NCAM1: variants seen among roughly 807,000 people sequenced by gnomAD.
The protein encoded by NCAM1 is antigen recognized by monoclonal antibody 5.1H11.
In NCAM1, 14 loss-of-function variants were observed where a neutral mutation model predicts 109.8. The ratio of observed to expected loss-of-function variants is 0.13; its 90% CI spans 0.08 to 0.20. The LOEUF (loss-of-function observed/expected upper bound fraction) is 0.20. NCAM1 is among the 10% of genes least tolerant of loss of function. The probability of loss-of-function intolerance (pLI) is 1.00; values close to 1 mark genes in which losing one functional copy is unlikely to be tolerated. For missense variants in NCAM1, 774 were observed against 1,109.9 expected (o/e 0.70, Z 4.30); for synonymous variants, 418 against 442.9 (o/e 0.94, Z 0.70).
chr11:113,240,850 T>C (rs782783398), intron 14 of NCAM1: 1 of 1,610,178 alleles, frequency 6.2e-7, no homozygotes, highest in Non-Finnish European at 8.5e-7. Context: ...ATCATTTTCT[T>C]CATCCATCTC....
chr11:113,120,938 A>G (rs1319565001), intron 1 of NCAM1, among the ~76,000 whole-genome samples: 1 of 152,142 alleles, frequency 6.6e-6, no homozygotes, highest in Non-Finnish European at 1.5e-5. Flanking sequence ...CTGAGAACAG[A>G]GGATGGTTTG....
chr11:113,198,943 T>G (rs2136838707), intron 1 of NCAM1, among the ~76,000 whole-genome samples: 1 of 152,256 alleles, frequency 6.6e-6, no homozygotes. Context: ...GATGAAATAA[T>G]GAAGTGTGTT....
chr11:113,181,024 C>A (rs1367558865), intron 1 of NCAM1, among the ~76,000 whole-genome samples: 1 of 152,208 alleles, frequency 6.6e-6, no homozygotes. Context: ...CAGTATCAAG[C>A]AAGAATAAAA....
intron 1 of NCAM1, among the ~76,000 whole-genome samples, chr11:113,016,912 C>A (rs1414165204): frequency 2.0e-5 from 3 of 152,180 alleles, no homozygotes; most frequent in Admixed American, 2.0e-4. Flanking sequence ...CCATAAAAGT[C>A]TCTGCTTTTT....
intron 1 of NCAM1, 41 bp downstream of exon 1, chr11:112,961,705 AT>A: frequency 7.9e-7 from 1 of 1,262,464 alleles, no homozygotes. Context: ...TGGTTTGCTA[AT>A]TACCCCTTCC....
chr11:112,967,904 C>T (rs1278035844), intron 1 of NCAM1, among the ~76,000 whole-genome samples: 3 of 152,122 alleles, frequency 2.0e-5, no homozygotes, highest in Non-Finnish European at 4.4e-5. Context: ...TTTTGAGGGC[C>T]TTCTTTAAGG....
At chr11:113,205,705 G>A in intron 4 of NCAM1, 39 bp downstream of exon 4, 1 of 1,598,570 alleles carries the variant, frequency 6.3e-7, no homozygotes, top group Admixed American at 1.7e-5. Context: ...TTTTCCCCAG[G>A]CCACCAAGTT....
At chr11:113,204,870 G>T (rs1302305005) in intron 3 of NCAM1, among the ~76,000 whole-genome samples, 1 of 152,130 alleles carries the variant, frequency 6.6e-6, no homozygotes, top group Non-Finnish European at 1.5e-5. Flanking sequence ...TGGGGTGGGG[G>T]ATCATTATCT....
At position 113,132,414 on chromosome 11, in the gene NCAM1, C is replaced by G. The variant is rs1941424338; in HGVS notation, c.53-69965C>G. ...TCAATTCACATCTGTTCAGTCCTGC[C>G]TCAGCTCTAGATAATGTGTGTTCCT... On this transcript the variant is annotated intron_variant, in intron 1 of 19. Transcript: ENST00000316851. Among the ~76,000 whole-genome samples, 6 of 152,258 alleles carry G rather than the reference C, an allele frequency of 3.9e-5. 1 individual carries two copies. In the South Asian group the frequency reaches 1.2e-3, roughly 32 times the overall value.
chr11:113,272,459 G>C (rs868946802), intron 19 of NCAM1, among the ~76,000 whole-genome samples: 1 of 152,120 alleles, frequency 6.6e-6, no homozygotes, highest in African/African-American at 2.4e-5. Flanking sequence ...CTGAGTACTC[G>C]TGATCTGCCT....
At chr11:113,150,707 C>T (rs1215620228) in intron 1 of NCAM1, among the ~76,000 whole-genome samples, 4 of 152,002 alleles carry the variant, frequency 2.6e-5, no homozygotes, top group African/African-American at 9.7e-5. Context: ...GTTTTTATTG[C>T]AGGGACATGG....
In NCAM1 at chr11:113,246,187, G is replaced by C. The variant is rs1006824518; in HGVS notation, c.1826-181G>C. ...TTAATTTGATTTCTCCTTTTATTTA[G>C]TCTGTGATTTTGTTGTTGATTTTTC... On this transcript the variant is annotated intron_variant, in intron 14 of 19. Coordinates refer to ENST00000316851, the MANE Select transcript of NCAM1 (RefSeq NM_181351.5). 6.5e-5 allele frequency: 36 copies of C among 552,362 alleles called. 1 individual carries two copies. In the South Asian group the frequency reaches 9.5e-4, roughly 15 times the overall value. 34.2% of individuals were successfully genotyped at this position (552,362 alleles called of 1,614,324 possible).
At chr11:113,109,044 A>G (rs111599244) in intron 1 of NCAM1, among the ~76,000 whole-genome samples, 10,596 of 148,642 alleles carry the variant, frequency 0.071, 722 homozygotes, top group Admixed American at 0.17. Context: ...GTATTTTAAC[A>G]AGGTTTTAAG....
At position 113,047,484 on chromosome 11, in the gene NCAM1, A is replaced by G. The variant is rs111934654; in HGVS notation, c.52+85820A>G. On this transcript the variant is annotated intron_variant, in intron 1 of 19. Transcript: ENST00000316851. ...CCATACCGGGTTGGAGGCAAAAATT[A>G]AGTTGTACGTATAGTCTCAGAACAA... 4.1e-3 allele frequency among the ~76,000 whole-genome samples: 624 copies of G among 152,300 alleles called. 6 individuals carry two copies. The highest frequency in any genetic ancestry group is 0.014 in the African/African-American group (589 of 41,576).
At chr11:113,152,025 C>G (rs1318162846) in intron 1 of NCAM1, among the ~76,000 whole-genome samples, 1 of 152,118 alleles carries the variant, frequency 6.6e-6, no homozygotes, top group Admixed American at 6.5e-5. Context: ...TGTGACACAC[C>G]TAGAATGGGT....
chr11:113,189,449 C>CAAAAAAA (rs10712434), intron 1 of NCAM1, among the ~76,000 whole-genome samples: 5 of 118,038 alleles, frequency 4.2e-5, no homozygotes, highest in African/African-American at 1.2e-4. Context: ...GATTCTGTCT[C>CAAAAAAA]AAAAAAAAAA....
Position 113,264,152 on chromosome 11 carries a change from C to G in NCAM1, c.2131+3829C>G, listed in dbSNP as rs1190223710. 4.1e-6 allele frequency: 4 copies of G among 985,176 alleles called. No individual in the cohort carries two copies. In the East Asian group the frequency reaches 3.4e-4, roughly 84 times the overall value. 61.0% of individuals were successfully genotyped at this position (985,176 alleles called of 1,614,324 possible). Reference sequence around the variant, plus strand: ...TGAATAAAAACTCCCTCCCTCCCCCCATTGTGGTCACATATCATTCTACAT... The same window carrying G: ...TGAATAAAAACTCCCTCCCTCCCCCGATTGTGGTCACATATCATTCTACAT... On this transcript the variant is annotated intron_variant, in intron 17 of 19. Coordinates refer to ENST00000316851, the MANE Select transcript of NCAM1 (RefSeq NM_181351.5).
intron 1 of NCAM1, among the ~76,000 whole-genome samples, chr11:113,083,125 A>C (rs1000383296): frequency 6.6e-6 from 1 of 151,326 alleles, no homozygotes; most frequent in Admixed American, 6.6e-5. Flanking sequence ...GTGCTTGTTT[A>C]GTTTAACAAG....
At chr11:113,023,984 G>A (rs1952467719) in intron 1 of NCAM1, among the ~76,000 whole-genome samples, 2 of 152,132 alleles carry the variant, frequency 1.3e-5, no homozygotes, top group Admixed American at 1.3e-4. Flanking sequence ...AGATCCCATA[G>A]CTCTCCAGTT....
Sources: allele counts gnomAD v4.1 joint callset (sites outside exome capture counted in the v4.1 genomes callset), GRCh38; gene constraint gnomAD v4.1.1; transcripts MANE v1.5; gene names NCBI Gene and HGNC (gene_info 2026-07-23, HGNC 2026-07-21).